Variants in SMARCA4 observed in about 807,000 individuals in gnomAD.
SMARCA4 encodes the protein SWI/SNF-related matrix-associated actin-dependent regulator of chromatin subfamily A member 4.
SMARCA4 carries 31 observed loss-of-function variants against 193.9 expected under a neutral mutation model. The observed-to-expected ratio is 0.16, with a 90% CI of 0.12 to 0.22. The LOEUF is 0.22. Among genes scored for constraint, SMARCA4 ranks in the 10% least tolerant of loss-of-function variants. SMARCA4 has a pLI of 1.00. For synonymous variants in SMARCA4, 942 were observed against 933.1 expected (o/e 1.01, Z -0.17); for missense variants, 1,148 against 2,296.0 (o/e 0.50, Z 10.22).
In SMARCA4 at chr19:11,003,416, G is replaced by T. The variant is rs369368895; in HGVS notation, c.2001+19G>T. 6.2e-7 allele frequency: 1 copy of T among 1,608,620 alleles called. No individual in the cohort carries two copies. Among genetic ancestry groups the T allele is most frequent in the Non-Finnish European group, 8.5e-7 (1 of 1,174,994 alleles). On this transcript the variant is annotated intron_variant, in intron 13 of 34. Transcript: ENST00000344626. ...GGAAGAGGTAAGAGTGCATTTCCTGGCTTTCAAGGCTCTCAGTGCCCACTG... is the reference window on the plus strand; with the variant it reads ...GGAAGAGGTAAGAGTGCATTTCCTGTCTTTCAAGGCTCTCAGTGCCCACTG...
At chr19:11,024,914 CTG>C (rs2090140109) in intron 21 of SMARCA4, among the ~76,000 whole-genome samples, 1 of 152,014 alleles carries the variant, frequency 6.6e-6, no homozygotes, top group Non-Finnish European at 1.5e-5. Flanking sequence ...GACGTTGTGT[CTG>C]TGCCCCTTCT....
rs184203211 is a variant in SMARCA4, at chr19:11,030,605, C to T, written c.3383-125C>T. ...ACAGGCCCGTGTGGAGAGTGCGGAG[C>T]CAGGGATCTGGGGATGCTGGCAGGT... On this transcript the variant is annotated intron_variant, in intron 24 of 34. Coordinates refer to ENST00000344626, the MANE Select transcript of SMARCA4 (RefSeq NM_003072.5). This position sits in a 1 kb window ranked among gnomAD's most constrained non-coding sequence, Gnocchi z 5.5. 476 of 865,588 alleles carry T rather than the reference C, an allele frequency of 5.5e-4. 4 individuals carry two copies. In the African/African-American group the frequency reaches 7.1e-3, roughly 13 times the overall value. The allele number at this position is 865,588 out of a possible 1,614,324, so 53.6% of individuals were successfully genotyped here.
chr19:11,024,765 A>G (rs1229608451), intron 21 of SMARCA4, among the ~76,000 whole-genome samples: 1 of 152,082 alleles, frequency 6.6e-6, no homozygotes, highest in African/African-American at 2.4e-5. Context: ...TGTCTCCTGC[A>G]GGGGCTGCTC....
At chr19:11,005,031 T>A (rs1449244378) in intron 13 of SMARCA4, among the ~76,000 whole-genome samples, 1 of 151,960 alleles carries the variant, frequency 6.6e-6, no homozygotes, top group Non-Finnish European at 1.5e-5. Flanking sequence ...AGACAGGGTT[T>A]CACCATGTTG....
intron 1 of SMARCA4, among the ~76,000 whole-genome samples, chr19:10,975,897 G>A (rs553872846): frequency 5.2e-4 from 79 of 152,250 alleles, no homozygotes; most frequent in African/African-American, 1.8e-3. Context: ...GGCAGCACCC[G>A]ATCCAAGGGC....
Position 11,061,944 on chromosome 19 carries a change from T to G in SMARCA4, c.*128T>G. 1 of 908,620 alleles carries G rather than the reference T, an allele frequency of 1.1e-6. No individual in the cohort carries two copies. Among genetic ancestry groups the G allele is most frequent in the South Asian group, 1.3e-5 (1 of 74,826 alleles). The allele number at this position is 908,620 out of a possible 1,614,324, so 56.3% of individuals were successfully genotyped here. A position where few individuals can be genotyped will look rare whatever the true frequency, so the allele number is the denominator to read the frequency against. ...GTAAAACTGTATAAACAAAAGAATCTTCCATATTTATACAGCAGAGAAGCT... is the reference window on the plus strand; with the variant it reads ...GTAAAACTGTATAAACAAAAGAATCGTCCATATTTATACAGCAGAGAAGCT... On this transcript the variant is annotated 3_prime_UTR_variant, in exon 35 of 35. Transcript: ENST00000344626.
intron 11 of SMARCA4, among the ~76,000 whole-genome samples, chr19:10,999,736 C>T (rs913028184): frequency 6.6e-6 from 1 of 152,190 alleles, no homozygotes; most frequent in African/African-American, 2.4e-5. Context: ...TTATCCTTTC[C>T]GCCTTTCCAT....
intron 18 of SMARCA4, chr19:11,021,161 G>T: frequency 5.0e-6 from 1 of 202,000 alleles, no homozygotes; most frequent in Non-Finnish European, 1.0e-5. Flanking sequence ...GTGCTCCCCT[G>T]CCAGTGGCTC....
At chr19:11,026,104 G>C (rs538070165) in intron 22 of SMARCA4, among the ~76,000 whole-genome samples, 196 bp from the exon 23 acceptor site, 1 of 152,370 alleles carries the variant, frequency 6.6e-6, no homozygotes, top group South Asian at 2.1e-4. Context: ...CGTTGGAGGA[G>C]TGTGAGGGAA....
At chr19:11,024,883 A>G (rs941856501) in intron 21 of SMARCA4, among the ~76,000 whole-genome samples, 3 of 151,410 alleles carry the variant, frequency 2.0e-5, no homozygotes, top group African/African-American at 4.9e-5. Flanking sequence ...CAAGGCCTTG[A>G]CCTCGGCCTG....
At position 11,041,407 on chromosome 19, in the gene SMARCA4, C is replaced by G. The variant is rs760654888; in HGVS notation, c.4271C>G (p.Pro1424Arg). ...KRDSDAGSSTPTTSTRSRDKD... is the reference protein window; with the variant it reads ...KRDSDAGSSTRTTSTRSRDKD... ...GACAGCGACGCCGGCTCCTCCACCC[C>G]GACCACCAGCACCCGCAGCCGCGAC... The change falls in exon 30 of 35, where the codon CCG (proline) becomes CGG (arginine). Residue 1424 changes from proline (P) to arginine (R), a missense_variant. This residue lies in a region of SMARCA4 where 141 missense variants were observed against 193.0 expected (regional missense o/e 0.73). Transcript: ENST00000344626. The surrounding 1 kb of genome is among the most constrained non-coding windows in gnomAD (Gnocchi z 5.6). 5 of 1,612,170 alleles carry G rather than the reference C, an allele frequency of 3.1e-6. No homozygotes were observed. The highest frequency in any genetic ancestry group is 4.2e-6 in the Non-Finnish European group (5 of 1,179,936).
At chr19:11,003,868 C>A (rs1187832489) in intron 13 of SMARCA4, among the ~76,000 whole-genome samples, 1 of 144,764 alleles carries the variant, frequency 6.9e-6, no homozygotes, top group Non-Finnish European at 1.5e-5. Flanking sequence ...CCTGCCACCA[C>A]GTCCAGCTAG....
chr19:11,059,906 G>C lies in SMARCA4; in HGVS notation c.4768+21G>C, dbSNP rs781235910. On this transcript the variant is annotated intron_variant, in intron 33 of 34. Coordinates refer to ENST00000344626, the MANE Select transcript of SMARCA4 (RefSeq NM_003072.5). ...CGAATGTGAGTCCCGGGGGGGTTCA[G>C]GACGCCGGGGTTCACGCTGGCCCGA... 5 of 1,613,728 alleles carry C rather than the reference G, an allele frequency of 3.1e-6. No homozygotes were observed. In the South Asian group the frequency reaches 3.3e-5, roughly 11 times the overall value.
At chr19:10,993,145 C>G (rs1167499463) in intron 8 of SMARCA4, among the ~76,000 whole-genome samples, 1 of 151,862 alleles carries the variant, frequency 6.6e-6, no homozygotes, top group Non-Finnish European at 1.5e-5. Flanking sequence ...ACCACCACAC[C>G]TGGCTACTTT....
chr19:11,034,697 G>A lies in SMARCA4; in HGVS notation c.3952-217G>A, dbSNP rs758330084. Among the ~76,000 whole-genome samples, 21 of 152,168 alleles carry A rather than the reference G, an allele frequency of 1.4e-4. No homozygotes were observed. The highest frequency in any genetic ancestry group is 2.2e-4 in the Non-Finnish European group (15 of 68,042). On this transcript the variant is annotated intron_variant, in intron 28 of 34. Transcript: ENST00000344626. This position sits in a 1 kb window ranked among gnomAD's most constrained non-coding sequence, Gnocchi z 7.0. The stretch of plus-strand genomic sequence containing the variant: ...CTCTTGTGCAACCTTCCATCTTTTC[G>A]AGTTTCCTCTGCCTCCTGAGGCAGA...
At chr19:11,023,152 G>A (rs1362063487) in intron 19 of SMARCA4, among the ~76,000 whole-genome samples, 2 of 152,150 alleles carry the variant, frequency 1.3e-5, no homozygotes, top group African/African-American at 2.4e-5. Flanking sequence ...CCCCTGCAGC[G>A]CTCCTGGCAT....
chr19:11,003,490 G>T, intron 13 of SMARCA4, 93 bp downstream of exon 13: 2 of 1,220,808 alleles, frequency 1.6e-6, no homozygotes, highest in Non-Finnish European at 2.4e-6. Context: ...CCCTGGCTGG[G>T]CATCTTGTGG....
intron 11 of SMARCA4, among the ~76,000 whole-genome samples, 183 bp downstream of exon 11, chr19:10,996,727 C>T (rs1036293532): frequency 3.3e-5 from 5 of 150,566 alleles, no homozygotes; most frequent in Admixed American, 2.6e-4. Flanking sequence ...GTGTTTTCTT[C>T]CAGACCTTTT....
At chr19:10,973,431 C>A (rs995126982) in intron 1 of SMARCA4, among the ~76,000 whole-genome samples, 1 of 151,358 alleles carries the variant, frequency 6.6e-6, no homozygotes, top group African/African-American at 2.4e-5. Context: ...GAGACGGAGT[C>A]TCGCTGTCAC....
Sources: allele counts gnomAD v4.1 joint callset (sites outside exome capture counted in the v4.1 genomes callset), GRCh38; gene constraint gnomAD v4.1.1; regional missense constraint gnomAD v4.1.1; non-coding constraint Gnocchi (gnomAD v3.1); transcripts MANE v1.5; gene names NCBI Gene and HGNC (gene_info 2026-07-23, HGNC 2026-07-21).